Variants in MICU3 observed in about 807,000 individuals in gnomAD.
MICU3 encodes the protein calcium uptake protein 3, mitochondrial.
MICU3 carries 62 observed loss-of-function variants against 66.5 expected under a neutral mutation model. The observed-to-expected ratio is 0.93, with a 90% confidence interval of 0.76 to 1.15. The LOEUF is 1.15. Ranked by LOEUF, MICU3 falls within the 50% of genes most tolerant of loss-of-function variation. The pLI, the probability that MICU3 is intolerant of heterozygous loss-of-function variation, is 0.00. For missense variants in MICU3, 779 were observed against 664.4 expected (o/e 1.17, Z -1.90); for synonymous variants, 308 against 240.7 (o/e 1.28, Z -2.59).
the MICU3 span, among the ~76,000 whole-genome samples, chr8:17,136,650 G>C: frequency 1.3e-5 from 2 of 151,956 alleles, no homozygotes; most frequent in African/African-American, 4.8e-5. Context: ...ACCCTGTCCA[G>C]CTACTGCTGC....
the MICU3 span, among the ~76,000 whole-genome samples, chr8:17,128,260 A>ACC: frequency 6.6e-6 from 1 of 151,366 alleles, no homozygotes; most frequent in East Asian, 1.9e-4. Context: ...ACACACACAC[A>ACC]CACACACACC....
chr8:17,104,715 G>GATTGATTGTTATCTCTTGTATATT (rs1179706181), intron 10 of MICU3, among the ~76,000 whole-genome samples: 6 of 102,056 alleles, frequency 5.9e-5, no homozygotes, highest in Admixed American at 1.7e-4. Flanking sequence ...CCAGATATCG[G>GATTGATTGTTATCTCTTGTATATT]CCGGGCGCGG....
chr8:17,049,722 C>G (rs1815736795), intron 1 of MICU3: 2 of 493,850 alleles, frequency 4.0e-6, no homozygotes, highest in Non-Finnish European at 4.0e-6. Context: ...GTTCTGGTCC[C>G]AGACCCATTT....
At chr8:17,119,854 G>T (rs1803058181) in intron 14 of MICU3, among the ~76,000 whole-genome samples, 1 of 152,090 alleles carries the variant, frequency 6.6e-6, no homozygotes, top group Admixed American at 6.5e-5. Context: ...TTACTTATTT[G>T]TCTAAGGTGG....
chr8:17,057,010 C>G (rs13248862), intron 1 of MICU3, among the ~76,000 whole-genome samples: 9,885 of 152,300 alleles, frequency 0.065, 476 homozygotes, highest in East Asian at 0.22. Flanking sequence ...AAATTAGACT[C>G]ATTCTTGTTT....
intron 8 of MICU3, among the ~76,000 whole-genome samples, chr8:17,097,961 T>C (rs1563374790): frequency 6.6e-6 from 1 of 151,774 alleles, no homozygotes; most frequent in Admixed American, 6.6e-5. Context: ...CTATTTCTTT[T>C]TGACAAGTTT....
intron 3 of MICU3, among the ~76,000 whole-genome samples, chr8:17,072,709 G>A (rs1456200582): frequency 2.6e-5 from 4 of 151,864 alleles, no homozygotes; most frequent in African/African-American, 9.7e-5. Context: ...TGCCTACAAT[G>A]GCCACTGAAT....
chr8:17,060,020 A>G (rs538607645), intron 1 of MICU3, among the ~76,000 whole-genome samples: 1 of 152,336 alleles, frequency 6.6e-6, no homozygotes, highest in East Asian at 1.9e-4. Flanking sequence ...CATCACATAT[A>G]TTTTTAAACA....
intron 9 of MICU3, among the ~76,000 whole-genome samples, chr8:17,103,213 A>C (rs1801426984): frequency 6.6e-6 from 1 of 151,886 alleles, no homozygotes; most frequent in Non-Finnish European, 1.5e-5. Flanking sequence ...AAGATTTAAC[A>C]AATGTTATGA....
chr8:17,116,804 C>T (rs991602137), intron 13 of MICU3, among the ~76,000 whole-genome samples: 3 of 152,050 alleles, frequency 2.0e-5, no homozygotes, highest in African/African-American at 7.2e-5. Flanking sequence ...AATGTGAAAT[C>T]AGTTTGACCT....
In MICU3 at chr8:17,086,956, T is replaced by C. The variant is rs1308143407; in HGVS notation, c.778-8T>C. The C allele has an allele frequency of 6.3e-7, 1 of 1,576,638 alleles. No homozygotes were observed. ...GGATATTTGATTCTTGATTGATTTCTTTGTCAGCTTCAAGAGATATTCAGG... is the reference window on the plus strand; with the variant it reads ...GGATATTTGATTCTTGATTGATTTCCTTGTCAGCTTCAAGAGATATTCAGG... On this transcript the variant is annotated splice_polypyrimidine_tract_variant and splice_region_variant and intron_variant, in intron 6 of 14. Coordinates refer to ENST00000318063, the MANE Select transcript of MICU3 (RefSeq NM_181723.3).
At chr8:17,072,835 A>AATT (rs1298941681) in intron 3 of MICU3, among the ~76,000 whole-genome samples, 2 of 152,174 alleles carry the variant, frequency 1.3e-5, no homozygotes, top group East Asian at 3.9e-4. Flanking sequence ...CAATACCCAT[A>AATT]ATTAGCAAGG....
chr8:17,099,247 A>G (rs764667407), intron 9 of MICU3, among the ~76,000 whole-genome samples: 1 of 151,736 alleles, frequency 6.6e-6, no homozygotes, highest in African/African-American at 2.4e-5. Flanking sequence ...AATTTTTCCT[A>G]AGAACTTTAT....
intron 9 of MICU3, 61 bp from the exon 10 acceptor site, chr8:17,104,330 G>T (rs193088707): frequency 1.4e-6 from 1 of 692,420 alleles, no homozygotes; most frequent in Non-Finnish European, 2.2e-6. Context: ...GAGAAATATT[G>T]GGTATCCCTA....
At chr8:17,038,807 G>T (rs887708525) in intron 1 of MICU3, among the ~76,000 whole-genome samples, 1 of 152,046 alleles carries the variant, frequency 6.6e-6, no homozygotes, top group Admixed American at 6.6e-5. Flanking sequence ...CAAAAAATTA[G>T]CCAGGCGTGG....
chr8:17,113,119 A>G (rs971633408), intron 11 of MICU3, among the ~76,000 whole-genome samples: 1 of 152,208 alleles, frequency 6.6e-6, no homozygotes, highest in Non-Finnish European at 1.5e-5. Flanking sequence ...GTGTTTGGGT[A>G]ATAAATCATT....
chr8:17,037,748 C>G (rs186296759), intron 1 of MICU3, among the ~76,000 whole-genome samples: 1 of 152,320 alleles, frequency 6.6e-6, no homozygotes, highest in Admixed American at 6.5e-5. Flanking sequence ...CACTCAACAT[C>G]AGCCCATGAA....
chr8:17,117,833 C>T (rs1802830032), intron 13 of MICU3, among the ~76,000 whole-genome samples: 1 of 152,200 alleles, frequency 6.6e-6, no homozygotes, highest in Admixed American at 6.5e-5. Context: ...TGGTCTCAAG[C>T]TCCTGACCTC....
At chr8:17,111,713 C>G (rs535893365) in intron 11 of MICU3, among the ~76,000 whole-genome samples, 105 of 152,266 alleles carry the variant, frequency 6.9e-4, no homozygotes, top group Non-Finnish European at 1.3e-3. Context: ...AAGTTAGGGT[C>G]TAGCTTCTTT....
Sources: allele counts gnomAD v4.1 joint callset (sites outside exome capture counted in the v4.1 genomes callset), GRCh38; gene constraint gnomAD v4.1.1; transcripts MANE v1.5; gene names NCBI Gene and HGNC (gene_info 2026-07-23, HGNC 2026-07-21).